SP3: variants seen among roughly 807,000 people sequenced by gnomAD.
The protein encoded by SP3 is transcription factor Sp3.
A neutral mutation model predicts 70.3 loss-of-function variants in SP3; 10 were observed. That is an observed-to-expected ratio of 0.14 (90% CI 0.09 to 0.24). SP3 has a LOEUF of 0.24. Among genes scored for constraint, SP3 ranks in the 10% least tolerant of loss-of-function variants. The pLI is 1.00. For synonymous variants in SP3, 402 were observed against 333.5 expected (o/e 1.21, Z -2.24); for missense variants, 825 against 914.6 (o/e 0.90, Z 1.26).
rs1691171843 is a variant in SP3, at chr2:173,963,867, G to A, written c.173C>T (p.Pro58Leu). The A allele has an allele frequency of 2.0e-6, 3 of 1,509,436 alleles. No individual in the cohort carries two copies. Among genetic ancestry groups the A allele is most frequent in the Non-Finnish European group, 2.7e-6 (3 of 1,126,958 alleles). 93.5% of individuals were successfully genotyped at this position (1,509,436 alleles called of 1,614,324 possible). Residue 58 changes from proline to leucine, a missense_variant, in exon 3 of 7, where the codon CCG (proline) becomes CTG (leucine). Pro to Leu is a moderately conservative substitution (Grantham distance 98). This residue lies in a region of SP3 where 678 missense variants were observed against 651.6 expected (regional missense o/e 1.04). Transcript: ENST00000310015. ...GCAGGTAGCGGCCAGCAGAGCGAGC[G>A]GTGACGGCTGAGTGTCCTACCCCCA... is the stretch of plus-strand genomic sequence containing the variant. ...AAAAQDTQPS[P>L]LALLAATCSK...
At chr2:173,961,544 TTCATG>T (rs1371841613) in intron 3 of SP3, among the ~76,000 whole-genome samples, 1 of 152,234 alleles carries the variant, frequency 6.6e-6, no homozygotes, top group Non-Finnish European at 1.5e-5. Context: ...CATACCAATG[TTCATG>T]TCTTAATTTG....
chr2:173,946,209 T>A (rs1325773762), intron 4 of SP3, among the ~76,000 whole-genome samples: 2 of 151,738 alleles, frequency 1.3e-5, no homozygotes, highest in South Asian at 2.1e-4. Flanking sequence ...AATAGCAGGG[T>A]GTTCATAATT....
intron 3 of SP3, among the ~76,000 whole-genome samples, chr2:173,962,424 T>C (rs1020356060): frequency 2.0e-5 from 3 of 152,206 alleles, no homozygotes; most frequent in African/African-American, 7.2e-5. Context: ...GGGATACAGT[T>C]CATAAAAAAA....
rs541569117 is a variant in SP3 at position 173,965,148 on chromosome 2, C to G, written c.7+17G>C. Reference sequence around the variant, plus strand: ...GGCGGCGGCAGCAGCAAGGGTTGCTCTCTCGGCTTTACGTACCGGTCATAG... The same window carrying G: ...GGCGGCGGCAGCAGCAAGGGTTGCTGTCTCGGCTTTACGTACCGGTCATAG... On this transcript the variant is annotated intron_variant, in intron 1 of 6. Transcript: ENST00000310015. 3 of 1,546,740 alleles carry G rather than the reference C, an allele frequency of 1.9e-6. No homozygotes were observed. The highest frequency in any genetic ancestry group is 1.2e-5 in the South Asian group (1 of 83,820).
At chr2:173,960,697 G>A (rs1311826806) in intron 3 of SP3, among the ~76,000 whole-genome samples, 2 of 152,144 alleles carry the variant, frequency 1.3e-5, no homozygotes, top group Non-Finnish European at 2.9e-5. Flanking sequence ...TAGGCCAGGC[G>A]CAGTGGCTTA....
chr2:173,939,345 T>TA, intron 4 of SP3, among the ~76,000 whole-genome samples: 1 of 152,328 alleles, frequency 6.6e-6, no homozygotes, highest in South Asian at 2.1e-4. Flanking sequence ...AAAATGCACA[T>TA]ATTCTCCAAC....
At chr2:173,945,432 A>G (rs1368456908) in intron 4 of SP3, among the ~76,000 whole-genome samples, 1 of 152,140 alleles carries the variant, frequency 6.6e-6, no homozygotes, top group Non-Finnish European at 1.5e-5. Context: ...ACATGACTAA[A>G]CCTGAAGGCA....
At chr2:173,925,267 G>A (rs1435348868) in intron 4 of SP3, among the ~76,000 whole-genome samples, 1 of 152,164 alleles carries the variant, frequency 6.6e-6, no homozygotes, top group Non-Finnish European at 1.5e-5. Flanking sequence ...GTGAAATCCT[G>A]TCACACGCTA....
chr2:173,918,525 GCAGT>G, intron 5 of SP3, 64 bp downstream of exon 5: 2 of 1,405,648 alleles, frequency 1.4e-6, no homozygotes, highest in Non-Finnish European at 2.0e-6. Flanking sequence ...GACATAGCAT[GCAGT>G]ATTTCAAAAA....
Position 173,904,228 on chromosome 2 carries a change from C to CCAGT in SP3, c.*5709_*5712dup, listed in dbSNP as rs1199113433. Among the ~76,000 whole-genome samples, 1 of 152,110 alleles carries CCAGT rather than the reference C, an allele frequency of 6.6e-6. No homozygotes were observed. The highest frequency in any genetic ancestry group is 1.5e-5 in the Non-Finnish European group (1 of 67,996). ...GTTCCTCACAGACCAGGGACCAGGA[C>CCAGT]CAGTCTGTGGCCCAGGTGGTTCCTC... On this transcript the variant is annotated 3_prime_UTR_variant, in exon 7 of 7. Transcript: ENST00000310015.
chr2:173,928,001 T>G (rs2105469063), intron 4 of SP3, among the ~76,000 whole-genome samples: 1 of 152,298 alleles, frequency 6.6e-6, no homozygotes, highest in Admixed American at 6.5e-5. Context: ...GTTTTTTATT[T>G]CTTCTACTTG....
chr2:173,947,129 T>C (rs78005821), intron 4 of SP3, among the ~76,000 whole-genome samples: 1 of 152,154 alleles, frequency 6.6e-6, no homozygotes. Context: ...AGAGATGAAC[T>C]TATTTCTACT....
intron 3 of SP3, among the ~76,000 whole-genome samples, chr2:173,960,194 A>G (rs934101740): frequency 7.9e-5 from 12 of 152,204 alleles, no homozygotes; most frequent in African/African-American, 2.9e-4. Context: ...ACCATCTAAC[A>G]TGAATGTTGG....
At chr2:173,964,763 C>T (rs1425894927) in intron 1 of SP3, 5 of 446,836 alleles carry the variant, frequency 1.1e-5, no homozygotes, top group African/African-American at 6.4e-5. Flanking sequence ...CCCTCCTCCT[C>T]CTCCTCTTTC....
Position 173,928,889 on chromosome 2 carries a change from C to T in SP3, c.1640-10104G>A, listed in dbSNP as rs572027933. On this transcript the variant is annotated intron_variant, in intron 4 of 6. Coordinates refer to ENST00000310015, the MANE Select transcript of SP3 (RefSeq NM_003111.5). The stretch of plus-strand genomic sequence containing the variant: ...ACATTTATTGAACAACTATATTGAG[C>T]GAACATTTGTTGACCAAAATTATAA... 8.0e-4 allele frequency among the ~76,000 whole-genome samples: 122 copies of T among 152,250 alleles called. 1 individual carries two copies. The highest frequency in any genetic ancestry group is 3.1e-3 in the Admixed American group (48 of 15,296).
Position 173,905,886 on chromosome 2 carries a change from C to A in SP3, c.*4055G>T, listed in dbSNP as rs1023994805. On this transcript the variant is annotated 3_prime_UTR_variant, in exon 7 of 7. Coordinates refer to ENST00000310015, the MANE Select transcript of SP3 (RefSeq NM_003111.5). The stretch of plus-strand genomic sequence containing the variant: ...TGGTGGTGTGCACCTGTGGTCCAAG[C>A]TACTTAAGAGGCCGAAGTGGGGAGG... Among the ~76,000 whole-genome samples, 4 of 152,222 alleles carry A rather than the reference C, an allele frequency of 2.6e-5. No homozygotes were observed. Among genetic ancestry groups the A allele is most frequent in the African/African-American group, 9.6e-5 (4 of 41,530 alleles).
At chr2:173,924,482 GATGA>G (rs796427087) in intron 4 of SP3, among the ~76,000 whole-genome samples, 17 of 152,310 alleles carry the variant, frequency 1.1e-4, no homozygotes, top group African/African-American at 4.1e-4. Flanking sequence ...TCTCTCCAAT[GATGA>G]ATATGATGGC....
chr2:173,964,880 A>C (rs1467719278), intron 1 of SP3: 1 of 493,998 alleles, frequency 2.0e-6, no homozygotes, highest in African/African-American at 2.1e-5. Flanking sequence ...ACCGTCAGTC[A>C]CTCACACACG....
Position 173,910,254 on chromosome 2 carries a change from T to A in SP3, c.2033A>T (p.Glu678Val). 6.2e-7 allele frequency: 1 copy of A among 1,612,842 alleles called. No individual in the cohort carries two copies. The highest frequency in any genetic ancestry group is 8.5e-7 in the Non-Finnish European group (1 of 1,179,388). ...LQRHRRTHTG[E>V]KKFVCPECSK... ...ACATTCTGGACAAACAAATTTCTTC[T>A]CACCTGTTAAGAAAAAAATTAAGTT... is the stretch of plus-strand genomic sequence containing the variant. Residue 678 changes from glutamate to valine, a missense_variant, in exon 7 of 7, where the codon GAG (glutamate) becomes GTG (valine). Physicochemically the swap from Glu to Val is moderately radical, Grantham distance 121. Transcript: ENST00000310015.
Sources: allele counts gnomAD v4.1 joint callset (sites outside exome capture counted in the v4.1 genomes callset), GRCh38; gene constraint gnomAD v4.1.1; regional missense constraint gnomAD v4.1.1; transcripts MANE v1.5; gene names NCBI Gene and HGNC (gene_info 2026-07-23, HGNC 2026-07-21).